The following TTC28 variants were observed in gnomAD, a reference collection of about 807,000 sequenced individuals.
The protein encoded by TTC28 is tetratricopeptide repeat protein 28.
A neutral mutation model predicts 198.0 loss-of-function variants in TTC28; 61 were observed. The ratio of observed to expected loss-of-function variants is 0.31; its 90% confidence interval spans 0.25 to 0.38. TTC28 has a LOEUF of 0.38. Among genes scored for constraint, TTC28 ranks in the 10% least tolerant of loss-of-function variants. The pLI is 1.00. For synonymous variants in TTC28, 1,171 were observed against 1,297.8 expected (o/e 0.90, Z 2.10); for missense variants, 2,678 against 3,164.0 (o/e 0.85, Z 3.69).
chr22:28,024,827 C>T (rs1329625009), intron 13 of TTC28, among the ~76,000 whole-genome samples: 1 of 152,230 alleles, frequency 6.6e-6, no homozygotes, highest in Non-Finnish European at 1.5e-5. Context: ...AGGGAAGATC[C>T]TTGCCCAGAA....
chr22:28,537,287 C>T (rs945287289), intron 2 of TTC28, among the ~76,000 whole-genome samples: 4 of 79,096 alleles, frequency 5.1e-5, no homozygotes, highest in South Asian at 5.8e-4. Context: ...AGCCAGACTC[C>T]GTCTCAAAAA....
rs470101 is a variant in TTC28, at chr22:27,993,465, T to C, written c.5298A>G (p.Thr1766=). The part of the protein sequence containing the change: ...IQNGQRNAMY[T]SQQSVENKVG... ...CTTTGTTCTCCACACTCTGCTGGGA[T>C]GTGTACATGGCATTGCGCTGCCCAT... The change falls in exon 18 of 23, where the codon ACA becomes ACG. Residue 1766 remains threonine (T), a synonymous_variant. Coordinates refer to ENST00000397906, the MANE Select transcript of TTC28 (RefSeq NM_001145418.2). The C allele has an allele frequency of 0.11, 172,121 of 1,551,508 alleles. 10,181 individuals are homozygous for C. The highest frequency in any genetic ancestry group is 0.12 in the Non-Finnish European group (135,652 of 1,146,928).
At chr22:28,474,338 G>A (rs1028619656) in intron 2 of TTC28, among the ~76,000 whole-genome samples, 1 of 152,072 alleles carries the variant, frequency 6.6e-6, no homozygotes, top group Non-Finnish European at 1.5e-5. Flanking sequence ...ATCCCTATAA[G>A]GCTCAGAAAG....
chr22:28,330,456 A>G (rs951135754), intron 2 of TTC28, among the ~76,000 whole-genome samples: 2 of 152,192 alleles, frequency 1.3e-5, no homozygotes, highest in African/African-American at 4.8e-5. Flanking sequence ...ATGGTGTGCT[A>G]TTTGACAGAT....
Position 28,163,545 on chromosome 22 carries a change from A to T in TTC28, c.988T>A (p.Tyr330Asn). The T allele has an allele frequency of 6.4e-7, 1 of 1,551,524 alleles. No individual in the cohort carries two copies. The highest frequency in any genetic ancestry group is 1.2e-5 in the South Asian group (1 of 84,022). Residue 330 changes from tyrosine to asparagine, a missense_variant, in exon 6 of 23, where the codon TAC becomes AAC. Coordinates refer to ENST00000397906, the MANE Select transcript of TTC28 (RefSeq NM_001145418.2). ...TTGTGACTGGCCAGTGCATTGGGGT[A>T]GTCTCCAATGGCTGTGTACACGTGG... ...LGHVYTAIGDYPNALASHKQC... is the reference protein window; with the variant it reads ...LGHVYTAIGDNPNALASHKQC...
At chr22:27,993,739 G>C (rs1937498013) in intron 17 of TTC28, among the ~76,000 whole-genome samples, 1 of 152,140 alleles carries the variant, frequency 6.6e-6, no homozygotes, top group Non-Finnish European at 1.5e-5. Context: ...GCCCTCGAGG[G>C]CTGGTACAAC....
At position 27,996,159 on chromosome 22, in the gene TTC28, G is replaced by A. The variant is rs538933416; in HGVS notation, c.5220C>T (p.Asp1740=). The change falls in exon 17 of 23, where the codon GAC becomes GAT. Residue 1740 remains aspartate, a synonymous_variant. Coordinates refer to ENST00000397906, the MANE Select transcript of TTC28 (RefSeq NM_001145418.2). ...EILQHPERAR[D]ALRVLLHLVE... is the part of the protein sequence containing the mutation. ...CCAGGTGCAGCAGCACTCGCAGGGC[G>A]TCCCGCGCACGCTCCGGGTGCTGCA... is the stretch of plus-strand genomic sequence containing the variant. 1.7e-5 allele frequency: 26 copies of A among 1,550,632 alleles called. No homozygotes were observed. The highest frequency in any genetic ancestry group is 2.7e-5 in the African/African-American group (2 of 73,162).
chr22:28,558,658 A>T (rs951914340), intron 2 of TTC28, among the ~76,000 whole-genome samples: 2 of 151,902 alleles, frequency 1.3e-5, no homozygotes, highest in Non-Finnish European at 2.9e-5. Flanking sequence ...CTGGGCAACA[A>T]GAGTGAAACT....
At chr22:28,332,281 C>A (rs552359553) in intron 2 of TTC28, among the ~76,000 whole-genome samples, 171 of 151,824 alleles carry the variant, frequency 1.1e-3, no homozygotes, top group African/African-American at 3.9e-3. Context: ...AAGTAAAAAA[C>A]AATGCATAAG....
chr22:28,413,021 G>GA (rs1424448072), intron 2 of TTC28, among the ~76,000 whole-genome samples: 7 of 152,102 alleles, frequency 4.6e-5, no homozygotes, highest in African/African-American at 1.7e-4. Flanking sequence ...GCATGTTTGT[G>GA]AAAAATCATC....
chr22:28,406,241 A>G (rs1294850134), intron 2 of TTC28, among the ~76,000 whole-genome samples: 1 of 152,226 alleles, frequency 6.6e-6, no homozygotes, highest in Non-Finnish European at 1.5e-5. Flanking sequence ...ATACAAGCAT[A>G]ATTCACTCAG....
chr22:28,459,008 C>A (rs1011731961), intron 2 of TTC28, among the ~76,000 whole-genome samples: 2 of 152,084 alleles, frequency 1.3e-5, no homozygotes, highest in African/African-American at 4.8e-5. Context: ...CCCAAAATGT[C>A]TCCTAGCTGC....
At chr22:28,461,035 A>G (rs2047942779) in intron 2 of TTC28, among the ~76,000 whole-genome samples, 1 of 152,170 alleles carries the variant, frequency 6.6e-6, no homozygotes, top group Non-Finnish European at 1.5e-5. Context: ...AACTTAATTG[A>G]CCCACTAGTA....
intron 5 of TTC28, among the ~76,000 whole-genome samples, chr22:28,235,912 T>G (rs134183): frequency 5.3e-5 from 8 of 152,048 alleles, no homozygotes; most frequent in African/African-American, 1.9e-4. Context: ...AATATGCCAA[T>G]AGACGAACTT....
At chr22:28,398,052 C>T (rs1317333688) in intron 2 of TTC28, among the ~76,000 whole-genome samples, 1 of 152,192 alleles carries the variant, frequency 6.6e-6, no homozygotes, top group African/African-American at 2.4e-5. Context: ...TTCAAGGTGA[C>T]ACATGTTGCC....
intron 12 of TTC28, among the ~76,000 whole-genome samples, chr22:28,056,627 T>C (rs1394705802): frequency 1.3e-5 from 2 of 152,070 alleles, no homozygotes; most frequent in African/African-American, 4.8e-5. Context: ...GTTTTTAATA[T>C]AAAATTTATA....
intron 5 of TTC28, among the ~76,000 whole-genome samples, chr22:28,247,281 C>T (rs149539666): frequency 1.3e-4 from 20 of 152,290 alleles, no homozygotes; most frequent in African/African-American, 4.3e-4. Context: ...GGGAGTCACA[C>T]TGCCAGCCAG....
intron 1 of TTC28, among the ~76,000 whole-genome samples, chr22:28,647,952 T>C (rs954445786): frequency 6.6e-6 from 1 of 151,672 alleles, no homozygotes; most frequent in Non-Finnish European, 1.5e-5. Context: ...TCGCTGGGCA[T>C]GGTGGCTCAC....
chr22:28,342,882 T>C (rs770875424), intron 2 of TTC28, among the ~76,000 whole-genome samples: 2 of 152,182 alleles, frequency 1.3e-5, no homozygotes, highest in Admixed American at 6.5e-5. Flanking sequence ...GAAATTAACA[T>C]AGGCATGCAC....
Sources: allele counts gnomAD v4.1 joint callset (sites outside exome capture counted in the v4.1 genomes callset), GRCh38; gene constraint gnomAD v4.1.1; transcripts MANE v1.5; gene names NCBI Gene and HGNC (gene_info 2026-07-23, HGNC 2026-07-21).